The following AMBRA1 variants were observed in gnomAD, a reference collection of about 807,000 sequenced individuals.
AMBRA1 encodes the protein autophagy and beclin 1 regulator 1, also known as activating molecule in BECN1-regulated autophagy protein 1.
In AMBRA1, 47 loss-of-function variants were observed where a neutral mutation model predicts 125.4. The observed-to-expected ratio is 0.37, with a 90% confidence interval of 0.30 to 0.48. The LOEUF is 0.48. AMBRA1 is among the 20% of genes least tolerant of loss of function. The pLI is 0.99. For missense variants in AMBRA1, 1,331 were observed against 1,693.4 expected (o/e 0.79, Z 3.76); for synonymous variants, 626 against 655.5 (o/e 0.95, Z 0.69).
rs753008803 is a variant in AMBRA1, at chr11:46,396,962, AAG to A, written c.*486_*487del. On this transcript the variant is annotated 3_prime_UTR_variant, in exon 18 of 18. Coordinates refer to ENST00000683756, the MANE Select transcript of AMBRA1 (RefSeq NM_001387011.1). ...TTGGTTTCAGTGGGGTAAGACGACG[AAG>A]AGAGGCTGAAGCTCTGGAAGGCTCA... 3 of 153,466 alleles carry A rather than the reference AAG, an allele frequency of 2.0e-5. No individual in the cohort carries two copies. The highest frequency in any genetic ancestry group is 4.4e-5 in the Non-Finnish European group (3 of 68,678). 9.5% of individuals were successfully genotyped at this position (153,466 alleles called of 1,614,324 possible).
At chr11:46,504,796 CATCATTT>C (rs1950970125) in intron 9 of AMBRA1, 4 of 152,200 alleles carry the variant, frequency 2.6e-5, no homozygotes, top group Non-Finnish European at 5.9e-5. Flanking sequence ...AATGGTGGTA[CATCATTT>C]TCAAAGGTTT....
chr11:46,445,342 G>A (rs1948231377), intron 11 of AMBRA1, among the ~76,000 whole-genome samples: 1 of 152,100 alleles, frequency 6.6e-6, no homozygotes, highest in Admixed American at 6.5e-5. Flanking sequence ...TGCTCTCCCT[G>A]AGACCTGAGA....
intron 17 of AMBRA1, among the ~76,000 whole-genome samples, chr11:46,401,621 C>T (rs571472959): frequency 2.0e-5 from 3 of 152,306 alleles, no homozygotes; most frequent in Admixed American, 6.5e-5. Context: ...CAGAGAGCCC[C>T]GGATGGGCTT....
chr11:46,579,412 A>G (rs1565319539), intron 1 of AMBRA1, among the ~76,000 whole-genome samples: 1 of 152,026 alleles, frequency 6.6e-6, no homozygotes, highest in Admixed American at 6.6e-5. Flanking sequence ...AGCCGAGATC[A>G]CGCCATTGCA....
At chr11:46,527,879 G>A (rs182511719) in intron 7 of AMBRA1, among the ~76,000 whole-genome samples, 1 of 152,202 alleles carries the variant, frequency 6.6e-6, no homozygotes, top group Admixed American at 6.5e-5. Context: ...TGGTTCAGCT[G>A]CTATGGAAAA....
intron 8 of AMBRA1, among the ~76,000 whole-genome samples, chr11:46,510,621 A>C (rs150544334): frequency 3.3e-5 from 5 of 152,356 alleles, no homozygotes; most frequent in Non-Finnish European, 7.3e-5. Flanking sequence ...GATAATAAGA[A>C]GACTGCCTTT....
At chr11:46,457,854 C>T (rs1442292073) in intron 11 of AMBRA1, among the ~76,000 whole-genome samples, 1 of 148,294 alleles carries the variant, frequency 6.7e-6, no homozygotes, top group Non-Finnish European at 1.5e-5. Flanking sequence ...TGCAGTGAGT[C>T]GAGATTGCGC....
intron 14 of AMBRA1, among the ~76,000 whole-genome samples, chr11:46,426,478 C>A (rs888816689): frequency 2.0e-5 from 3 of 152,188 alleles, no homozygotes; most frequent in Non-Finnish European, 4.4e-5. Flanking sequence ...TAAAATGCAG[C>A]ATAGACTGCA....
At chr11:46,489,151 G>A (rs1263822228) in intron 11 of AMBRA1, among the ~76,000 whole-genome samples, 5 of 152,048 alleles carry the variant, frequency 3.3e-5, no homozygotes, top group African/African-American at 1.2e-4. Flanking sequence ...GTGCCATGCT[G>A]GTGTGCTGCA....
intron 7 of AMBRA1, among the ~76,000 whole-genome samples, chr11:46,516,896 C>T (rs1951515455): frequency 1.3e-5 from 2 of 151,964 alleles, no homozygotes; most frequent in South Asian, 2.1e-4. Context: ...CTAGGAAGGG[C>T]TCAGACAAGC....
chr11:46,510,286 G>T (rs1202702686), intron 8 of AMBRA1, among the ~76,000 whole-genome samples: 2 of 152,142 alleles, frequency 1.3e-5, no homozygotes, highest in African/African-American at 4.8e-5. Context: ...ATCTGTTTGG[G>T]CCCCTGTTCC....
chr11:46,484,135 C>T (rs186171662), intron 11 of AMBRA1, among the ~76,000 whole-genome samples: 65 of 152,018 alleles, frequency 4.3e-4, no homozygotes, highest in African/African-American at 1.4e-3. Flanking sequence ...CACAAGGGGC[C>T]CAAGGTAGGG....
intron 1 of AMBRA1, among the ~76,000 whole-genome samples, chr11:46,559,833 T>C (rs2043273814): frequency 6.6e-6 from 1 of 152,204 alleles, no homozygotes; most frequent in Admixed American, 6.5e-5. Context: ...TTTCCTCCAA[T>C]ATGTAAACTG....
At chr11:46,473,670 G>C (rs1391439837) in intron 11 of AMBRA1, among the ~76,000 whole-genome samples, 1 of 152,152 alleles carries the variant, frequency 6.6e-6, no homozygotes, top group Non-Finnish European at 1.5e-5. Context: ...GTTTGTTTTT[G>C]AGACGGAGTC....
intron 7 of AMBRA1, among the ~76,000 whole-genome samples, chr11:46,527,385 CAGG>C (rs1231409958): frequency 1.3e-4 from 18 of 141,960 alleles, no homozygotes; most frequent in African/African-American, 4.7e-4. Context: ...GAAGCTGAAG[CAGG>C]AGAATTGCTT....
chr11:46,544,727 ATG>A (rs1952918504), intron 5 of AMBRA1, among the ~76,000 whole-genome samples: 2 of 152,174 alleles, frequency 1.3e-5, no homozygotes, highest in Non-Finnish European at 2.9e-5. Context: ...AGAGAGTCTA[ATG>A]ACCCTGATCT....
At chr11:46,421,290 T>A (rs962738767) in intron 14 of AMBRA1, among the ~76,000 whole-genome samples, 31 of 152,346 alleles carry the variant, frequency 2.0e-4, no homozygotes, top group African/African-American at 7.0e-4. Context: ...TGGCACTCCC[T>A]CATGCTCGAG....
At chr11:46,490,521 G>A (rs75480787) in intron 11 of AMBRA1, among the ~76,000 whole-genome samples, 6,674 of 152,106 alleles carry the variant, frequency 0.044, 493 homozygotes, top group African/African-American at 0.15. Flanking sequence ...GAAGTAGAAC[G>A]GATCTTGATT....
At chr11:46,419,471 T>A (rs775698062) in intron 14 of AMBRA1, among the ~76,000 whole-genome samples, 1 of 152,176 alleles carries the variant, frequency 6.6e-6, no homozygotes, top group Non-Finnish European at 1.5e-5. Context: ...AGATGATGTA[T>A]AAAATGCCTG....
Sources: allele counts gnomAD v4.1 joint callset (sites outside exome capture counted in the v4.1 genomes callset), GRCh38; gene constraint gnomAD v4.1.1; transcripts MANE v1.5; gene names NCBI Gene and HGNC (gene_info 2026-07-23, HGNC 2026-07-21).